Variants in GALNT18 observed in about 807,000 individuals in gnomAD.
The protein encoded by GALNT18 is GalNAc-transferase 18.
Under a neutral mutation model 69.5 loss-of-function variants are expected in GALNT18, and 44 were observed. That is an observed-to-expected ratio of 0.63 (90% confidence interval 0.50 to 0.81). The LOEUF is 0.81. GALNT18 is among the 40% of genes least tolerant of loss of function. GALNT18 has a pLI of 0.00. For synonymous variants in GALNT18, 364 were observed against 318.2 expected, an observed-to-expected ratio of 1.14 and a Z score of -1.53; for missense variants, 715 against 810.0, an observed-to-expected ratio of 0.88 and a Z score of 1.42.
intron 10 of GALNT18, among the ~76,000 whole-genome samples, chr11:11,291,200 G>C (rs1176788586): frequency 6.6e-6 from 1 of 152,070 alleles, no homozygotes; most frequent in Non-Finnish European, 1.5e-5. Flanking sequence ...GGGGCATCTG[G>C]TGTTTCCACA....
At chr11:11,504,489 G>A (rs1158973451) in intron 1 of GALNT18, among the ~76,000 whole-genome samples, 10 of 152,150 alleles carry the variant, frequency 6.6e-5, no homozygotes, top group Admixed American at 1.3e-4. Flanking sequence ...GGGCGTGATG[G>A]CTCATGTGTG....
At chr11:11,427,630 G>A (rs139395569) in intron 3 of GALNT18, among the ~76,000 whole-genome samples, 400 of 152,266 alleles carry the variant, frequency 2.6e-3, no homozygotes, top group African/African-American at 9.1e-3. Context: ...GGTTCGCAGA[G>A]GTTAAGAACA....
intron 1 of GALNT18, among the ~76,000 whole-genome samples, chr11:11,489,931 G>T (rs1856726767): frequency 6.6e-6 from 1 of 152,100 alleles, no homozygotes; most frequent in Non-Finnish European, 1.5e-5. Flanking sequence ...AGCCTCAGGG[G>T]TCTGACCACT....
chr11:11,609,740 T>G (rs1403099333), intron 1 of GALNT18, among the ~76,000 whole-genome samples: 17 of 152,214 alleles, frequency 1.1e-4, no homozygotes, highest in Non-Finnish European at 8.8e-5. Flanking sequence ...ATGCCAGCCT[T>G]GGTGTCCACC....
rs891214620 is a variant in GALNT18, at chr11:11,463,922, G to A, written c.236-14986C>T. ...CGTCATGCTCATGATTTTGAAAGGG[G>A]GAAAAATTAGTCCTTTCCATCTGGC... is the stretch of plus-strand genomic sequence containing the variant. On this transcript the variant is annotated intron_variant, in intron 1 of 10. Coordinates refer to ENST00000227756, the MANE Select transcript of GALNT18 (RefSeq NM_198516.3). This position sits in a 1 kb window ranked among gnomAD's most constrained non-coding sequence, Gnocchi z 4.2. 6.6e-6 allele frequency among the ~76,000 whole-genome samples: 1 copy of A among 152,200 alleles called. No individual in the cohort carries two copies. Among genetic ancestry groups the A allele is most frequent in the Non-Finnish European group, 1.5e-5 (1 of 68,030 alleles).
At chr11:11,405,647 C>T (rs1022428117) in intron 3 of GALNT18, among the ~76,000 whole-genome samples, 8 of 152,208 alleles carry the variant, frequency 5.3e-5, no homozygotes, top group Non-Finnish European at 8.8e-5. Context: ...TAGAGAGACG[C>T]GCCGAATGCA....
Position 11,555,910 on chromosome 11 carries a change from G to C in GALNT18, c.235+65449C>G, listed in dbSNP as rs1227134367. ...GAGGCTGGGGTCTCACGAGAATGCAGAGCAGGATCATCTGAACGTTGATCT... is the reference window on the plus strand; with the variant it reads ...GAGGCTGGGGTCTCACGAGAATGCACAGCAGGATCATCTGAACGTTGATCT... On this transcript the variant is annotated intron_variant, in intron 1 of 10. Transcript: ENST00000227756. The surrounding 1 kb of genome is among the most constrained non-coding windows in gnomAD (Gnocchi z 4.7). 6.6e-6 allele frequency among the ~76,000 whole-genome samples: 1 copy of C among 152,232 alleles called. No homozygotes were observed. The highest frequency in any genetic ancestry group is 1.5e-5 in the Non-Finnish European group (1 of 68,038).
rs1355554034 is a variant in GALNT18, at chr11:11,463,909, G to GTGTGC, written c.236-14974_236-14973insGCACA. On this transcript the variant is annotated intron_variant, in intron 1 of 10. Coordinates refer to ENST00000227756, the MANE Select transcript of GALNT18 (RefSeq NM_198516.3). The surrounding 1 kb of genome is among the most constrained non-coding windows in gnomAD (Gnocchi z 4.2). The stretch of plus-strand genomic sequence containing the variant: ...TGTGTGCAAAAACCGTCATGCTCAT[G>GTGTGC]ATTTTGAAAGGGGGAAAAATTAGTC... 2.6e-5 allele frequency among the ~76,000 whole-genome samples: 4 copies of GTGTGC among 152,178 alleles called. No individual in the cohort carries two copies. The South Asian group carries it at 8.3e-4, about 32-fold the overall frequency.
chr11:11,601,033 C>T lies in GALNT18; in HGVS notation c.235+20326G>A, dbSNP rs1348619033. 6.6e-6 allele frequency among the ~76,000 whole-genome samples: 1 copy of T among 152,134 alleles called. No individual in the cohort carries two copies. Among genetic ancestry groups the T allele is most frequent in the Admixed American group, 6.5e-5 (1 of 15,280 alleles). ...TTATTGGTATTACCTATTGGTAAGACATTTTCATGATGCCTTTAATTTTTT... is the reference window on the plus strand; with the variant it reads ...TTATTGGTATTACCTATTGGTAAGATATTTTCATGATGCCTTTAATTTTTT... On this transcript the variant is annotated intron_variant, in intron 1 of 10. Coordinates refer to ENST00000227756, the MANE Select transcript of GALNT18 (RefSeq NM_198516.3). The surrounding 1 kb of genome is among the most constrained non-coding windows in gnomAD (Gnocchi z 4.0).
rs1850033277 is a variant in GALNT18 at position 11,332,475 on chromosome 11, A to T, written c.1416+219T>A. 6.6e-6 allele frequency among the ~76,000 whole-genome samples: 1 copy of T among 152,166 alleles called. No homozygotes were observed. The highest frequency in any genetic ancestry group is 1.5e-5 in the Non-Finnish European group (1 of 68,022). ...TGGGGCCAGAGCTGAATTGCTTAGG[A>T]CTATAAAGGAGAGACAAGTACCTCT... On this transcript the variant is annotated intron_variant, in intron 8 of 10. Transcript: ENST00000227756. The surrounding 1 kb of genome is among the most constrained non-coding windows in gnomAD (Gnocchi z 4.3).
intron 6 of GALNT18, among the ~76,000 whole-genome samples, chr11:11,350,366 T>C (rs1381688061): frequency 6.6e-6 from 1 of 152,212 alleles, no homozygotes; most frequent in Non-Finnish European, 1.5e-5. Flanking sequence ...TGTGTGGTCA[T>C]TGAGACTAGA....
chr11:11,337,287 G>A lies in GALNT18; in HGVS notation c.1278+3532C>T, dbSNP rs534122492. Among the ~76,000 whole-genome samples the A allele has an allele frequency of 3.3e-5, 5 of 152,262 alleles. No individual in the cohort carries two copies. Among genetic ancestry groups the A allele is most frequent in the East Asian group, 3.9e-4 (2 of 5,172 alleles). On this transcript the variant is annotated intron_variant, in intron 7 of 10. Coordinates refer to ENST00000227756, the MANE Select transcript of GALNT18 (RefSeq NM_198516.3). The surrounding 1 kb of genome is among the most constrained non-coding windows in gnomAD (Gnocchi z 4.9). ...ACTCATTAATAAGCGTTAGCAAGGC[G>A]TCACCAAGCTCTTACCATGCGCCCT...
intron 1 of GALNT18, among the ~76,000 whole-genome samples, chr11:11,451,275 G>A (rs1165089420): frequency 6.6e-6 from 1 of 152,036 alleles, no homozygotes. Context: ...ATGGGGGGTA[G>A]TAAAAATCTA....
At chr11:11,354,043 T>C (rs1176520654) in intron 6 of GALNT18, among the ~76,000 whole-genome samples, 1 of 152,240 alleles carries the variant, frequency 6.6e-6, no homozygotes, top group Non-Finnish European at 1.5e-5. Context: ...AAATGATATT[T>C]GTTCTAAAGA....
chr11:11,327,085 C>T lies in GALNT18; in HGVS notation c.1512+1G>A. The T allele has an allele frequency of 6.2e-7, 1 of 1,609,680 alleles. No individual in the cohort carries two copies. The highest frequency in any genetic ancestry group is 1.3e-5 in the African/African-American group (1 of 74,936). ...GCACAGGAATCTCTTAGAGGACTCA[C>T]CTGAGGCGTCATCCCATGGCAGATG... On this transcript the variant is annotated splice_donor_variant, in intron 9 of 10. Coordinates refer to ENST00000227756, the MANE Select transcript of GALNT18 (RefSeq NM_198516.3). LOFTEE classifies it high-confidence loss of function.
intron 10 of GALNT18, among the ~76,000 whole-genome samples, chr11:11,271,712 C>T (rs1487189983): frequency 1.3e-5 from 2 of 149,378 alleles, no homozygotes; most frequent in Non-Finnish European, 3.0e-5. Flanking sequence ...GGGTCCATGC[C>T]CCCAGTTGGA....
intron 5 of GALNT18, among the ~76,000 whole-genome samples, chr11:11,376,824 A>G (rs1251303170): frequency 6.6e-6 from 1 of 152,200 alleles, no homozygotes; most frequent in Non-Finnish European, 1.5e-5. Flanking sequence ...TTCTGCCTGC[A>G]TGGTAGAATA....
chr11:11,550,743 C>A (rs963620691), intron 1 of GALNT18, among the ~76,000 whole-genome samples: 1 of 152,164 alleles, frequency 6.6e-6, no homozygotes, highest in Non-Finnish European at 1.5e-5. Context: ...TGGTAGCCAC[C>A]CAGCCATATG....
intron 8 of GALNT18, among the ~76,000 whole-genome samples, chr11:11,328,140 T>C (rs4910320): frequency 0.6 from 91,340 of 151,964 alleles, 30,604 homozygotes; most frequent in East Asian, 0.78. Context: ...AAGGATATGA[T>C]GATGCACGAG....
Sources: allele counts gnomAD v4.1 joint callset (sites outside exome capture counted in the v4.1 genomes callset), GRCh38; gene constraint gnomAD v4.1.1; non-coding constraint Gnocchi (gnomAD v3.1); transcripts MANE v1.5; gene names NCBI Gene and HGNC (gene_info 2026-07-23, HGNC 2026-07-21).